Variants in HMGB1 observed in about 807,000 individuals in gnomAD.
HMGB1 encodes high mobility group protein B1.
For synonymous variants in HMGB1, 81 were observed against 84.0 expected, an observed-to-expected ratio of 0.96 and a Z score of 0.19; for missense variants, 79 against 253.5, an observed-to-expected ratio of 0.31 and a Z score of 4.67.
chr13:30,580,693 C>T (rs1256110882), intron 1 of HMGB1, among the ~76,000 whole-genome samples: 1 of 152,124 alleles, frequency 6.6e-6, no homozygotes, highest in Non-Finnish European at 1.5e-5. Flanking sequence ...GGAGACAATG[C>T]ATAGCACCAT....
chr13:30,468,023 C>G (rs1886839521), upstream of HMGB1, among the ~76,000 whole-genome samples: 1 of 152,190 alleles, frequency 6.6e-6, no homozygotes, highest in Non-Finnish European at 1.5e-5. Flanking sequence ...TACTTACTAG[C>G]TGTATGATCT....
intron 1 of HMGB1, among the ~76,000 whole-genome samples, chr13:30,577,383 C>T (rs1304152685): frequency 2.6e-5 from 4 of 151,044 alleles, no homozygotes; most frequent in African/African-American, 7.3e-5. Context: ...CCCAGAAGAG[C>T]GTCCTCACCA....
chr13:30,552,690 T>C (rs925068237), intron 1 of HMGB1, among the ~76,000 whole-genome samples: 1 of 152,280 alleles, frequency 6.6e-6, no homozygotes, highest in Non-Finnish European at 1.5e-5. Context: ...CAGCATTCGT[T>C]GGTGACTGAA....
chr13:30,503,182 A>G (rs928925686), intron 1 of HMGB1, among the ~76,000 whole-genome samples: 2 of 151,804 alleles, frequency 1.3e-5, no homozygotes, highest in Admixed American at 6.6e-5. Context: ...TAAAAATACA[A>G]AAAAAAAGAA....
At position 30,460,547 on chromosome 13, in the gene HMGB1, G is replaced by T. The variant is rs1886256362; in HGVS notation, c.*810C>A. ...GAATAGAGTCCTCATGTAAAGGTTAGAACATACTTTTCTATTAGTCCTTCA... is the reference window on the plus strand; with the variant it reads ...GAATAGAGTCCTCATGTAAAGGTTATAACATACTTTTCTATTAGTCCTTCA... On this transcript the variant is annotated 3_prime_UTR_variant, in exon 5 of 5. Transcript: ENST00000341423. 6.6e-6 allele frequency: 1 copy of T among 152,326 alleles called. No homozygotes were observed. The highest frequency in any genetic ancestry group is 2.4e-5 in the African/African-American group (1 of 41,344). 9.4% of individuals were successfully genotyped at this position (152,326 alleles called of 1,614,324 possible).
At chr13:30,521,169 A>C (rs1364351723) in intron 1 of HMGB1, among the ~76,000 whole-genome samples, 1 of 152,202 alleles carries the variant, frequency 6.6e-6, no homozygotes, top group Non-Finnish European at 1.5e-5. Flanking sequence ...CTGAAAACCC[A>C]GTATTATTAT....
At chr13:30,606,872 G>A (rs767576452) in intron 1 of HMGB1, among the ~76,000 whole-genome samples, 41 of 152,188 alleles carry the variant, frequency 2.7e-4, no homozygotes, top group Non-Finnish European at 5.3e-4. Flanking sequence ...TATCTTTTCT[G>A]TTGTGTTGAA....
intron 1 of HMGB1, among the ~76,000 whole-genome samples, chr13:30,608,184 G>A (rs897010024): frequency 6.6e-6 from 1 of 152,110 alleles, no homozygotes; most frequent in African/African-American, 2.4e-5. Flanking sequence ...AAGAGGCTCC[G>A]AACTGGAGCC....
chr13:30,562,404 T>C (rs1296173302), intron 1 of HMGB1, among the ~76,000 whole-genome samples: 1 of 151,968 alleles, frequency 6.6e-6, no homozygotes, highest in Non-Finnish European at 1.5e-5. Flanking sequence ...AGAACCACTA[T>C]AAAATACTCA....
At chr13:30,539,621 TC>T in intron 1 of HMGB1, 1 of 290,538 alleles carries the variant, frequency 3.4e-6, no homozygotes. Flanking sequence ...CAGCATGAGC[TC>T]CCATCCTCTG....
chr13:30,495,462 C>A (rs1216610054), intron 1 of HMGB1, among the ~76,000 whole-genome samples: 1 of 150,306 alleles, frequency 6.7e-6, no homozygotes, highest in Admixed American at 6.8e-5. Context: ...CTGAATATTT[C>A]CCTTTTCTTT....
chr13:30,501,279 T>C (rs761202929), intron 1 of HMGB1, among the ~76,000 whole-genome samples: 4 of 152,238 alleles, frequency 2.6e-5, no homozygotes, highest in Non-Finnish European at 4.4e-5. Flanking sequence ...GATAGCTCCA[T>C]GCATTTGAAT....
chr13:30,537,709 T>G (rs1258128448), intron 1 of HMGB1, among the ~76,000 whole-genome samples: 3 of 134,466 alleles, frequency 2.2e-5, no homozygotes, highest in East Asian at 4.4e-4. Flanking sequence ...AATTGATGTA[T>G]CCAATGTTAA....
In HMGB1 at chr13:30,502,961, C is replaced by T. The variant is rs1056819264; in HGVS notation, c.-14-39267G>A. Reference sequence around the variant, plus strand: ...CTGGGATTGCAGGCGTGAGCCATGGCGTCCGGCCTTAGTCTCCACACTCTT... The same window carrying T: ...CTGGGATTGCAGGCGTGAGCCATGGTGTCCGGCCTTAGTCTCCACACTCTT... On this transcript the variant is annotated intron_variant, in intron 1 of 4. Coordinates refer to the HMGB1 transcript ENST00000405805. Among the ~76,000 whole-genome samples, 8 of 152,056 alleles carry T rather than the reference C, an allele frequency of 5.3e-5. No individual in the cohort carries two copies. In the East Asian group the frequency reaches 9.7e-4, roughly 18 times the overall value.
chr13:30,583,095 G>T (rs1870976868), intron 1 of HMGB1, among the ~76,000 whole-genome samples: 1 of 151,482 alleles, frequency 6.6e-6, no homozygotes, highest in African/African-American at 2.4e-5. Context: ...TTGAACTCCT[G>T]GCTTCAAGGG....
intron 1 of HMGB1, among the ~76,000 whole-genome samples, chr13:30,518,887 A>G (rs1888161485): frequency 6.7e-6 from 1 of 149,308 alleles, no homozygotes; most frequent in Admixed American, 6.7e-5. Flanking sequence ...ACACCCAGCT[A>G]ATTTTTTATT....
intron 1 of HMGB1, among the ~76,000 whole-genome samples, chr13:30,503,214 C>T (rs1252969264): frequency 6.6e-6 from 1 of 151,976 alleles, no homozygotes; most frequent in Non-Finnish European, 1.5e-5. Flanking sequence ...CGTGGTGCCA[C>T]ATGCCTGTAG....
chr13:30,521,130 G>T (rs1888228748), intron 1 of HMGB1, among the ~76,000 whole-genome samples: 1 of 152,128 alleles, frequency 6.6e-6, no homozygotes, highest in African/African-American at 2.4e-5. Flanking sequence ...ACTGATCTTT[G>T]CTGGAGTTCA....
chr13:30,589,798 A>G (rs1208622085), intron 1 of HMGB1, among the ~76,000 whole-genome samples: 1 of 151,988 alleles, frequency 6.6e-6, no homozygotes, highest in Non-Finnish European at 1.5e-5. Flanking sequence ...TGAACCTGGG[A>G]GGCAGAGGTT....
Sources: allele counts gnomAD v4.1 joint callset (sites outside exome capture counted in the v4.1 genomes callset), GRCh38; gene constraint gnomAD v4.1.1; transcripts MANE v1.5; gene names NCBI Gene and HGNC (gene_info 2026-07-23, HGNC 2026-07-21).